The following FBXO45 variants were observed in gnomAD, a reference collection of about 807,000 sequenced individuals.
FBXO45 encodes F-box/SPRY domain-containing protein 1.
A neutral mutation model predicts 25.5 loss-of-function variants in FBXO45; 3 were observed. The observed-to-expected ratio is 0.12, with a 90% CI of 0.05 to 0.30. The LOEUF is 0.30. FBXO45 is among the 10% of genes least tolerant of loss of function. The pLI, the probability that FBXO45 is intolerant of heterozygous loss-of-function variation, is 1.00. For synonymous variants in FBXO45, 155 were observed against 149.8 expected (o/e 1.03, Z -0.25); for missense variants, 219 against 365.0 (o/e 0.60, Z 3.26).
In FBXO45 at chr3:196,588,595, G is replaced by A. The variant is rs1736179695; in HGVS notation, c.*4277G>A. Reference sequence around the variant, plus strand: ...TTTTATATATCTATAGTTGACTCATGCTGTATTTATTTATACCTTGTTTAA... The same window carrying A: ...TTTTATATATCTATAGTTGACTCATACTGTATTTATTTATACCTTGTTTAA... On this transcript the variant is annotated 3_prime_UTR_variant, in exon 3 of 3. Coordinates refer to ENST00000311630, the MANE Select transcript of FBXO45 (RefSeq NM_001105573.2). The surrounding 1 kb of genome is among the most constrained non-coding windows in gnomAD (Gnocchi z 4.2). 6.6e-6 allele frequency: 1 copy of A among 152,116 alleles called. No homozygotes were observed. The highest frequency in any genetic ancestry group is 1.5e-5 in the Non-Finnish European group (1 of 68,026). 9.4% of individuals were successfully genotyped at this position (152,116 alleles called of 1,614,324 possible).
At chr3:196,577,964 GAT>G (rs770462495) in intron 2 of FBXO45, among the ~76,000 whole-genome samples, 155 bp downstream of exon 2, 1 of 56,616 alleles carries the variant, frequency 1.8e-5, no homozygotes, top group Non-Finnish European at 3.4e-5. Flanking sequence ...ACTTCAAGGA[GAT>G]TTTTTTTTTT....
At position 196,584,004 on chromosome 3, in the gene FBXO45, C is replaced by T. The variant is rs938098831; in HGVS notation, c.676-129C>T. 1.9e-5 allele frequency: 16 copies of T among 854,482 alleles called. 1 individual carries two copies. The highest frequency in any genetic ancestry group is 7.0e-5 in the African/African-American group (4 of 57,508). 52.9% of individuals were successfully genotyped at this position (854,482 alleles called of 1,614,324 possible). On this transcript the variant is annotated intron_variant, in intron 2 of 2. Coordinates refer to ENST00000311630, the MANE Select transcript of FBXO45 (RefSeq NM_001105573.2). The surrounding 1 kb of genome is among the most constrained non-coding windows in gnomAD (Gnocchi z 4.3). ...ATGTTTCTTCCTGACTAGAAAGCTT[C>T]CCTTCTGATTTTTCTAGATAGCTTT...
rs1288243612 is a variant in FBXO45, at chr3:196,569,315, C to T, written c.318+13C>T. 13 of 1,511,354 alleles carry T rather than the reference C, an allele frequency of 8.6e-6. No homozygotes were observed. In the South Asian group the frequency reaches 1.0e-4, roughly 12 times the overall value. The allele number at this position is 1,511,354 out of a possible 1,614,324, so 93.6% of individuals were successfully genotyped here. ...CTACAAGGCCAAGGTGAGAGAGCCCCGGGCCACACCGCTGCCCCCAGTCCC... is the reference window on the plus strand; with the variant it reads ...CTACAAGGCCAAGGTGAGAGAGCCCTGGGCCACACCGCTGCCCCCAGTCCC... On this transcript the variant is annotated intron_variant, in intron 1 of 2. Transcript: ENST00000311630. This position sits in a 1 kb window ranked among gnomAD's most constrained non-coding sequence, Gnocchi z 4.1.
intron 1 of FBXO45, among the ~76,000 whole-genome samples, chr3:196,573,024 C>T (rs1316492493): frequency 6.6e-6 from 1 of 152,038 alleles, no homozygotes; most frequent in African/African-American, 2.4e-5. Flanking sequence ...TGGGCTCAAG[C>T]GATCCTCCCA....
At chr3:196,570,712 C>CTTTTTTTTT (rs71161937) in intron 1 of FBXO45, among the ~76,000 whole-genome samples, 6 of 99,858 alleles carry the variant, frequency 6.0e-5, no homozygotes, top group African/African-American at 1.2e-4. Flanking sequence ...TTTCTTTTTT[C>CTTTTTTTTT]TTTTTTTTTT....
At chr3:196,571,565 G>T (rs1735826927) in intron 1 of FBXO45, among the ~76,000 whole-genome samples, 1 of 152,176 alleles carries the variant, frequency 6.6e-6, no homozygotes, top group African/African-American at 2.4e-5. Context: ...ACTTGTAATA[G>T]AAATGTTCAC....
At chr3:196,579,175 CAG>C (rs572567542) in intron 2 of FBXO45, among the ~76,000 whole-genome samples, 164 of 152,296 alleles carry the variant, frequency 1.1e-3, no homozygotes, top group African/African-American at 3.4e-3. Context: ...ACAGACTTAA[CAG>C]GGTGTAATAT....
chr3:196,578,553 C>T (rs1391296575), intron 2 of FBXO45, among the ~76,000 whole-genome samples: 1 of 151,688 alleles, frequency 6.6e-6, no homozygotes, highest in Non-Finnish European at 1.5e-5. Flanking sequence ...GGATCTATCA[C>T]GAGTTTCAAC....
At chr3:196,583,574 T>C (rs1185164483) in intron 2 of FBXO45, among the ~76,000 whole-genome samples, 1 of 152,086 alleles carries the variant, frequency 6.6e-6, no homozygotes, top group Non-Finnish European at 1.5e-5. Flanking sequence ...TTTAGATTGC[T>C]CTTTTTGGTA....
intron 1 of FBXO45, among the ~76,000 whole-genome samples, chr3:196,576,379 A>AT (rs1260155775): frequency 1.3e-5 from 2 of 152,100 alleles, no homozygotes; most frequent in Non-Finnish European, 2.9e-5. Context: ...TAGAGAAGGG[A>AT]TTTTTTAAAA....
chr3:196,569,383 A>T lies in FBXO45; in HGVS notation c.318+81A>T. 7.3e-7 allele frequency: 1 copy of T among 1,373,888 alleles called. No homozygotes were observed. Among genetic ancestry groups the T allele is most frequent in the African/African-American group, 1.4e-5 (1 of 69,174 alleles). 85.1% of individuals were successfully genotyped at this position (1,373,888 alleles called of 1,614,324 possible). On this transcript the variant is annotated intron_variant, in intron 1 of 2. Coordinates refer to ENST00000311630, the MANE Select transcript of FBXO45 (RefSeq NM_001105573.2). This position sits in a 1 kb window ranked among gnomAD's most constrained non-coding sequence, Gnocchi z 4.1. ...GCGGTGTTTCTCATCCGAGCTTCTG[A>T]GTCAGAAGCTTCGCCTCACCAGCCC...
chr3:196,577,846 G>C (rs1427488198), intron 2 of FBXO45, 37 bp downstream of exon 2: 1 of 1,308,624 alleles, frequency 7.6e-7, no homozygotes, highest in Non-Finnish European at 1.0e-6. Flanking sequence ...ATGGGCCTTT[G>C]TCAAATCACG....
At chr3:196,574,371 C>T (rs1735877856) in intron 1 of FBXO45, among the ~76,000 whole-genome samples, 1 of 151,988 alleles carries the variant, frequency 6.6e-6, no homozygotes, top group Non-Finnish European at 1.5e-5. Context: ...GTTCAAATTG[C>T]CAGTTGTCTC....
intron 1 of FBXO45, among the ~76,000 whole-genome samples, chr3:196,570,973 G>C (rs879883375): frequency 1.1e-4 from 17 of 152,126 alleles, no homozygotes; most frequent in Non-Finnish European, 1.9e-4. Flanking sequence ...GCCTCCCAAA[G>C]TGCTGGGATT....
chr3:196,571,984 C>T (rs1735833334), intron 1 of FBXO45, among the ~76,000 whole-genome samples: 1 of 152,052 alleles, frequency 6.6e-6, no homozygotes, highest in Non-Finnish European at 1.5e-5. Flanking sequence ...AGAAATTGCT[C>T]CTTACTGTTA....
chr3:196,576,522 TG>T (rs1735916913), intron 1 of FBXO45, among the ~76,000 whole-genome samples: 1 of 152,220 alleles, frequency 6.6e-6, no homozygotes, highest in South Asian at 2.1e-4. Context: ...CACTGCAGTC[TG>T]GGTGACAGAG....
intron 1 of FBXO45, among the ~76,000 whole-genome samples, chr3:196,570,430 TTTC>T (rs1375339124): frequency 1.3e-5 from 2 of 151,654 alleles, no homozygotes; most frequent in Non-Finnish European, 1.5e-5. Flanking sequence ...AGAGTTGTGG[TTTC>T]TTCTTGTTGG....
chr3:196,571,002 G>T (rs764213561), intron 1 of FBXO45, among the ~76,000 whole-genome samples: 2 of 151,836 alleles, frequency 1.3e-5, no homozygotes, highest in Admixed American at 6.6e-5. Context: ...GAGCTCATGC[G>T]CCCGGCCTCA....
chr3:196,585,053 G>A lies in FBXO45; in HGVS notation c.*735G>A, dbSNP rs184685440. On this transcript the variant is annotated 3_prime_UTR_variant, in exon 3 of 3. Coordinates refer to ENST00000311630, the MANE Select transcript of FBXO45 (RefSeq NM_001105573.2). ...TATTGACTCATTTTGTATTATTTTTGGCTTACAGTTCCCATAGCTGTTAGA... is the reference window on the plus strand; with the variant it reads ...TATTGACTCATTTTGTATTATTTTTAGCTTACAGTTCCCATAGCTGTTAGA... The A allele has an allele frequency of 3.3e-5, 5 of 152,124 alleles. No individual in the cohort carries two copies. The East Asian group carries it at 5.8e-4, about 18-fold the overall frequency. 9.4% of individuals were successfully genotyped at this position (152,124 alleles called of 1,614,324 possible).
Sources: gnomAD v4.1 joint callset for allele counts (sites outside exome capture counted in the v4.1 genomes callset) on GRCh38, gnomAD v4.1.1 for gene constraint, Gnocchi (gnomAD v3.1) non-coding constraint, MANE v1.5 for transcripts, NCBI Gene and HGNC (gene_info 2026-07-23, HGNC 2026-07-21) for gene names.